The following ITGB8 variants were observed in gnomAD, a reference collection of about 807,000 sequenced individuals.
The protein encoded by ITGB8 is integrin beta-8.
In ITGB8, 30 loss-of-function variants were observed where a neutral mutation model predicts 89.5. The observed-to-expected ratio is 0.34, with a 90% CI of 0.25 to 0.45. The LOEUF is 0.45. ITGB8 is among the 20% of genes least tolerant of loss of function. ITGB8 has a pLI of 1.00. For synonymous variants in ITGB8, 335 were observed against 320.4 expected (o/e 1.05, Z -0.49); for missense variants, 836 against 933.3 (o/e 0.90, Z 1.36).
At chr7:20,369,141 C>A (rs1309552740) in intron 3 of ITGB8, among the ~76,000 whole-genome samples, 1 of 152,186 alleles carries the variant, frequency 6.6e-6, no homozygotes, top group Non-Finnish European at 1.5e-5. Flanking sequence ...CTTCACTCTT[C>A]ATTTTCCTTC....
chr7:20,413,465 A>G lies in ITGB8; in HGVS notation c.*3468A>G, dbSNP rs1429915396. 6.6e-6 allele frequency: 1 copy of G among 152,564 alleles called. No homozygotes were observed. The highest frequency in any genetic ancestry group is 1.9e-4 in the East Asian group (1 of 5,206). The allele number at this position is 152,564 out of a possible 1,614,324, so 9.5% of individuals were successfully genotyped here. On this transcript the variant is annotated 3_prime_UTR_variant, in exon 14 of 14. Transcript: ENST00000222573. ...ATAGATTATGAAGAATTTTCTCTGTAGAATTATATTCTTCCTGGAACCTGG... is the reference window on the plus strand; with the variant it reads ...ATAGATTATGAAGAATTTTCTCTGTGGAATTATATTCTTCCTGGAACCTGG...
At chr7:20,353,699 C>T (rs1484330452) in intron 1 of ITGB8, among the ~76,000 whole-genome samples, 2 of 146,958 alleles carry the variant, frequency 1.4e-5, no homozygotes, top group East Asian at 1.9e-4. Flanking sequence ...TTTGGGAGGC[C>T]GAGGCGGGCG....
chr7:20,383,505 T>C (rs1786485319), intron 6 of ITGB8, among the ~76,000 whole-genome samples: 1 of 152,184 alleles, frequency 6.6e-6, no homozygotes, highest in African/African-American at 2.4e-5. Context: ...AGAATTATTC[T>C]ATTGTGAGAC....
At chr7:20,392,904 G>A (rs895283722) in intron 7 of ITGB8, among the ~76,000 whole-genome samples, 8 of 152,128 alleles carry the variant, frequency 5.3e-5, no homozygotes, top group Non-Finnish European at 1.5e-5. Flanking sequence ...AAAATTAAAT[G>A]GCCCAAACCA....
Position 20,366,961 on chromosome 7 carries a change from A to T in ITGB8, c.214-51A>T, listed in dbSNP as rs374543545. 15 of 1,256,514 alleles carry T rather than the reference A, an allele frequency of 1.2e-5. No homozygotes were observed. In the African/African-American group the frequency reaches 2.3e-4, roughly 19 times the overall value. The allele number at this position is 1,256,514 out of a possible 1,614,324, so 77.8% of individuals were successfully genotyped here. The stretch of plus-strand genomic sequence containing the variant: ...ATATTTGCTATGTCATTTTCTTTGG[A>T]TGTAATTGATATACACTAAAAACAT... On this transcript the variant is annotated intron_variant, in intron 2 of 13. Transcript: ENST00000222573.
At chr7:20,358,133 T>C (rs1236970090) in intron 1 of ITGB8, among the ~76,000 whole-genome samples, 1 of 151,978 alleles carries the variant, frequency 6.6e-6, no homozygotes, top group Non-Finnish European at 1.5e-5. Context: ...ACCCAGCTAA[T>C]TTTTTGTATC....
intron 1 of ITGB8, among the ~76,000 whole-genome samples, chr7:20,332,645 C>G (rs1056735625): frequency 1.3e-5 from 2 of 152,156 alleles, no homozygotes; most frequent in African/African-American, 4.8e-5. Flanking sequence ...TAACTCTTTA[C>G]GAAATGCATT....
intron 1 of ITGB8, among the ~76,000 whole-genome samples, chr7:20,350,332 G>C (rs1223933202): frequency 6.6e-6 from 1 of 152,150 alleles, no homozygotes; most frequent in Non-Finnish European, 1.5e-5. Context: ...ATTTTTAGTA[G>C]AGACGGGGTT....
At chr7:20,398,408 T>C (rs1291069344) in intron 8 of ITGB8, among the ~76,000 whole-genome samples, 2 of 152,234 alleles carry the variant, frequency 1.3e-5, no homozygotes, top group African/African-American at 2.4e-5. Context: ...ATAGTCTCAA[T>C]TGTTTGAAAC....
chr7:20,383,892 T>C (rs1786502824), intron 6 of ITGB8, among the ~76,000 whole-genome samples: 1 of 152,212 alleles, frequency 6.6e-6, no homozygotes, highest in Admixed American at 6.5e-5. Context: ...ATCCAAGGAA[T>C]AATGTGTTTG....
intron 9 of ITGB8, 77 bp downstream of exon 9, chr7:20,399,071 T>C (rs1787203715): frequency 1.4e-6 from 2 of 1,474,892 alleles, no homozygotes; most frequent in Non-Finnish European, 1.8e-6. Flanking sequence ...AAGCAAACCA[T>C]TCTGAAAAAT....
At chr7:20,349,891 CTGTA>C (rs1785055553) in intron 1 of ITGB8, among the ~76,000 whole-genome samples, 1 of 152,082 alleles carries the variant, frequency 6.6e-6, no homozygotes, top group South Asian at 2.1e-4. Flanking sequence ...CATCAATAAA[CTGTA>C]TTTATTTAAA....
intron 4 of ITGB8, chr7:20,379,979 C>CT (rs1320565304): frequency 1.3e-5 from 2 of 152,110 alleles, no homozygotes; most frequent in East Asian, 1.9e-4. Flanking sequence ...CTGTATGGAT[C>CT]TTTTTTCACA....
chr7:20,404,529 A>C, intron 10 of ITGB8, 99 bp from the exon 11 acceptor site: 1 of 922,988 alleles, frequency 1.1e-6, no homozygotes, highest in Non-Finnish European at 1.7e-6. Flanking sequence ...TTGGACTGTC[A>C]GTGCGTTTCC....
intron 3 of ITGB8, 50 bp downstream of exon 3, chr7:20,367,236 A>G: frequency 7.6e-7 from 1 of 1,312,442 alleles, no homozygotes; most frequent in East Asian, 2.3e-5. Context: ...TTGAAATTGC[A>G]ATTTACTTTA....
intron 3 of ITGB8, among the ~76,000 whole-genome samples, chr7:20,374,683 C>A (rs988418153): frequency 3.9e-5 from 6 of 151,956 alleles, no homozygotes; most frequent in Non-Finnish European, 5.9e-5. Flanking sequence ...CCACCACAGG[C>A]AGAGGAAGGA....
At chr7:20,389,254 G>A (rs1156520426) in intron 6 of ITGB8, among the ~76,000 whole-genome samples, 1 of 152,152 alleles carries the variant, frequency 6.6e-6, no homozygotes, top group Non-Finnish European at 1.5e-5. Context: ...CAGTGTAAAA[G>A]CATTCCTATT....
At chr7:20,380,957 C>T (rs1206146833) in intron 5 of ITGB8, 126 bp downstream of exon 5, 1 of 771,722 alleles carries the variant, frequency 1.3e-6, no homozygotes, top group Non-Finnish European at 2.1e-6. Flanking sequence ...CTTACTATCT[C>T]TTACTCCTCA....
At chr7:20,361,899 T>C (rs1785516213) in intron 1 of ITGB8, among the ~76,000 whole-genome samples, 1 of 152,234 alleles carries the variant, frequency 6.6e-6, no homozygotes, top group Admixed American at 6.5e-5. Context: ...AGGCCAGGTC[T>C]AGAAAGATTT....
Sources: allele counts gnomAD v4.1 joint callset (sites outside exome capture counted in the v4.1 genomes callset), GRCh38; gene constraint gnomAD v4.1.1; transcripts MANE v1.5; gene names NCBI Gene and HGNC (gene_info 2026-07-23, HGNC 2026-07-21).